The following ASZ1 variants were observed in gnomAD, a reference collection of about 807,000 sequenced individuals.
ASZ1 encodes ankyrin repeat, SAM and basic leucine zipper domain-containing protein 1.
In ASZ1, 67 loss-of-function variants were observed where a neutral mutation model predicts 61.8. The observed-to-expected ratio is 1.08, with a 90% confidence interval of 0.89 to 1.33. ASZ1 has a LOEUF of 1.33. ASZ1 is among the 40% of genes most tolerant of loss of function. ASZ1 has a pLI of 0.00. For synonymous variants in ASZ1, 193 were observed against 192.7 expected, an observed-to-expected ratio of 1.00 and a Z score of -0.01; for missense variants, 577 against 554.5, an observed-to-expected ratio of 1.04 and a Z score of -0.41.
intron 10 of ASZ1, among the ~76,000 whole-genome samples, chr7:117,378,536 T>A (rs1337609902): frequency 6.6e-6 from 1 of 152,060 alleles, no homozygotes; most frequent in Non-Finnish European, 1.5e-5. Context: ...ACCAAATGAT[T>A]GTGAGGATGG....
chr7:117,392,760 CAAGTGCTGATATA>C (rs1454720578), intron 4 of ASZ1, among the ~76,000 whole-genome samples: 4 of 151,952 alleles, frequency 2.6e-5, no homozygotes, highest in African/African-American at 7.3e-5. Flanking sequence ...CTGAATCACA[CAAGTGCTGATATA>C]AAGGCCTTGT....
In ASZ1 at chr7:117,382,088, T is replaced by A. The variant is rs964766582; in HGVS notation, c.869A>T (p.His290Leu). The part of the protein sequence containing the change: ...EVFLHGLGLE[H>L]MTDLLKERDI... ...TCTTACCTTTAGTAAATCTGTCATATGTTCAAGTCCAAGACCATGTAAAAA... is the reference window on the plus strand; with the variant it reads ...TCTTACCTTTAGTAAATCTGTCATAAGTTCAAGTCCAAGACCATGTAAAAA... Residue 290 changes from histidine to leucine, a missense_variant, in exon 8 of 13, where the codon CAT (histidine) becomes CTT (leucine). Transcript: ENST00000284629. The A allele has an allele frequency of 1.9e-6, 3 of 1,591,552 alleles. No homozygotes were observed. The highest frequency in any genetic ancestry group is 2.6e-6 in the Non-Finnish European group (3 of 1,160,010).
chr7:117,384,830 T>C lies in ASZ1; in HGVS notation c.583A>G (p.Lys195Glu), dbSNP rs777103573. The change falls in exon 6 of 13, where the codon AAA becomes GAA. Residue 195 changes from lysine to glutamate, a missense_variant. Physicochemically the swap from Lys to Glu is moderately conservative, Grantham distance 56. Transcript: ENST00000284629. Reference protein sequence around the residue: ...ALTWAARQGHKNIVLKLLELG... With the variant: ...ALTWAARQGHENIVLKLLELG... The stretch of plus-strand genomic sequence containing the variant: ...TCAAGCAACTTCAAAACTATATTTT[T>C]ATGACCCTGACGTGCTGCCCACGTT... The C allele has an allele frequency of 8.7e-6, 14 of 1,607,366 alleles. No individual in the cohort carries two copies. The Admixed American group carries it at 2.2e-4, about 25-fold the overall frequency.
At chr7:117,382,287 T>C (rs1584723528) in intron 7 of ASZ1, 143 bp from the exon 8 acceptor site, 2 of 593,742 alleles carry the variant, frequency 3.4e-6, no homozygotes, top group African/African-American at 3.8e-5. Context: ...ACCTATGCTA[T>C]ATCAAAGGAA....
chr7:117,389,649 C>G (rs922675203), intron 4 of ASZ1, among the ~76,000 whole-genome samples: 1 of 152,100 alleles, frequency 6.6e-6, no homozygotes, highest in Non-Finnish European at 1.5e-5. Context: ...TCTGGACAGG[C>G]AATTTCTCAA....
At position 117,427,386 on chromosome 7, in the gene ASZ1, C is replaced by T; in HGVS notation, c.75G>A (p.Trp25Ter). The T allele has an allele frequency of 1.2e-6, 2 of 1,614,238 alleles. No homozygotes were observed. Among genetic ancestry groups the T allele is most frequent in the Admixed American group, 1.7e-5 (1 of 60,034 alleles). ...GESSESEDDGWEIGYLDRTSQ... is the reference protein window; with the variant it reads ...GESSESEDDG ...ACGTCCGGTCGAGATACCCAATCTC[C>T]CAGCCATCATCCTCGCTCTCGCTAC... Residue 25 changes from tryptophan (W) to a stop codon, truncating the protein, a stop_gained, in exon 1 of 13, where the codon TGG becomes TGA. Transcript: ENST00000284629. LOFTEE classifies it high-confidence loss of function.
chr7:117,408,094 T>G (rs994837870), intron 4 of ASZ1, among the ~76,000 whole-genome samples: 3 of 152,174 alleles, frequency 2.0e-5, no homozygotes, highest in Non-Finnish European at 4.4e-5. Context: ...AATGGTTAAA[T>G]CATTCGCCAT....
chr7:117,364,799 G>T (rs889369535), intron 12 of ASZ1, among the ~76,000 whole-genome samples: 1 of 152,082 alleles, frequency 6.6e-6, no homozygotes. Flanking sequence ...TTCAGCAACA[G>T]ATTCCTTTTT....
At chr7:117,409,420 G>T (rs1055289728) in intron 4 of ASZ1, among the ~76,000 whole-genome samples, 1 of 151,760 alleles carries the variant, frequency 6.6e-6, no homozygotes, top group Non-Finnish European at 1.5e-5. Flanking sequence ...TTTACAGTTT[G>T]TCACTGAAAA....
intron 10 of ASZ1, among the ~76,000 whole-genome samples, chr7:117,375,801 T>C (rs1392482374): frequency 1.3e-5 from 2 of 152,102 alleles, no homozygotes; most frequent in Non-Finnish European, 2.9e-5. Context: ...TCACACAATG[T>C]ATCACAATTT....
Position 117,368,708 on chromosome 7 carries a change from CTCA to C in ASZ1, c.1062_1064del (p.Asp354del), listed in dbSNP as rs760477855. On this transcript the variant is annotated inframe_deletion, in exon 11 of 13. Transcript: ENST00000284629. ...TTAATTTGAGAAGAAAGTTGAGGAA[CTCA>C]TCACCACTAAAGAAAGGAAACAAAC... is the stretch of plus-strand genomic sequence containing the variant. The C allele has an allele frequency of 6.2e-7, 1 of 1,612,280 alleles. No homozygotes were observed. The highest frequency in any genetic ancestry group is 1.3e-5 in the African/African-American group (1 of 74,838).
intron 10 of ASZ1, among the ~76,000 whole-genome samples, chr7:117,378,814 G>A (rs950107308): frequency 6.6e-6 from 1 of 151,796 alleles, no homozygotes; most frequent in Non-Finnish European, 1.5e-5. Context: ...ACAAACTGTG[G>A]TATATACATA....
intron 4 of ASZ1, among the ~76,000 whole-genome samples, chr7:117,412,039 AGTGTGTGT>A (rs57672347): frequency 0.027 from 3,419 of 128,406 alleles, 125 homozygotes; most frequent in African/African-American, 0.086. Context: ...AGTGAAAAGA[AGTGTGTGT>A]GTGTGTGTGT....
intron 4 of ASZ1, among the ~76,000 whole-genome samples, chr7:117,412,789 T>A (rs1053372846): frequency 1.3e-5 from 2 of 151,794 alleles, no homozygotes; most frequent in African/African-American, 4.8e-5. Context: ...TCTTTTTTTT[T>A]AAATATAAGA....
intron 4 of ASZ1, among the ~76,000 whole-genome samples, chr7:117,395,731 A>G (rs1177152492): frequency 6.6e-6 from 1 of 152,156 alleles, no homozygotes; most frequent in Non-Finnish European, 1.5e-5. Flanking sequence ...CCAAGTATAT[A>G]TTAATATAAT....
chr7:117,367,490 C>T (rs1353673557), intron 11 of ASZ1, 25 bp from the exon 12 acceptor site: 7 of 1,421,220 alleles, frequency 4.9e-6, no homozygotes, highest in Middle Eastern at 2.5e-4. Context: ...AAAAGTTCAA[C>T]ATTAAATAAT....
chr7:117,383,154 C>T, intron 6 of ASZ1, 44 bp from the exon 7 acceptor site: 2 of 1,450,620 alleles, frequency 1.4e-6, no homozygotes, highest in Middle Eastern at 2.0e-4. Context: ...ACATTGCATA[C>T]TGTAACTTAC....
chr7:117,402,005 C>T (rs1796690946), intron 4 of ASZ1, among the ~76,000 whole-genome samples: 1 of 151,970 alleles, frequency 6.6e-6, no homozygotes. Context: ...TTTTTGGGGG[C>T]CAGGTATGTG....
At chr7:117,367,918 G>C in intron 11 of ASZ1, 1 of 967,718 alleles carries the variant, frequency 1.0e-6, no homozygotes. Context: ...GTCTTGTTCT[G>C]TTGCCCAGGC....
Sources: gnomAD v4.1 joint callset for allele counts (sites outside exome capture counted in the v4.1 genomes callset) on GRCh38, gnomAD v4.1.1 for gene constraint, MANE v1.5 for transcripts, NCBI Gene and HGNC (gene_info 2026-07-23, HGNC 2026-07-21) for gene names.